Variants in GRM5 observed in about 807,000 individuals in gnomAD.
GRM5 encodes metabotropic glutamate receptor 5.
A neutral mutation model predicts 83.1 loss-of-function variants in GRM5; 19 were observed. The observed-to-expected ratio is 0.23, with a 90% CI of 0.16 to 0.34. The LOEUF is 0.34. Ranked by LOEUF, GRM5 falls within the 10% of genes least tolerant of loss-of-function variation. The probability of loss-of-function intolerance (pLI) is 1.00; values close to 1 mark genes in which losing one functional copy is unlikely to be tolerated. For synonymous variants in GRM5, 675 were observed against 633.6 expected, an observed-to-expected ratio of 1.07 and a Z score of -0.98; for missense variants, 1,160 against 1,588.3, an observed-to-expected ratio of 0.73 and a Z score of 4.58.
intron 3 of GRM5, among the ~76,000 whole-genome samples, chr11:88,818,126 T>C (rs2135505851): frequency 6.6e-6 from 1 of 152,090 alleles, no homozygotes; most frequent in Admixed American, 6.5e-5. Context: ...CTACCTCTAT[T>C]ATAAAAAAAG....
intron 3 of GRM5, among the ~76,000 whole-genome samples, chr11:88,698,579 T>C (rs879652597): frequency 2.6e-5 from 4 of 152,168 alleles, no homozygotes; most frequent in African/African-American, 4.8e-5. Flanking sequence ...TTCAATAGCA[T>C]GGGATCTTAT....
intron 3 of GRM5, among the ~76,000 whole-genome samples, chr11:88,774,666 T>C (rs894215139): frequency 6.6e-6 from 1 of 152,238 alleles, no homozygotes; most frequent in Non-Finnish European, 1.5e-5. Context: ...TGAAGGGCTG[T>C]TGAATTTTGA....
chr11:88,660,472 T>G (rs997983075), intron 3 of GRM5, among the ~76,000 whole-genome samples: 3 of 152,214 alleles, frequency 2.0e-5, no homozygotes, highest in Admixed American at 1.3e-4. Flanking sequence ...ATGGAGATTT[T>G]AGGAAGGCAT....
chr11:88,875,485 A>G (rs1393288795), intron 2 of GRM5, among the ~76,000 whole-genome samples: 1 of 151,990 alleles, frequency 6.6e-6, no homozygotes, highest in East Asian at 1.9e-4. Context: ...AACTTTTTCC[A>G]AATTCCTGTT....
Position 89,009,908 on chromosome 11 carries a change from A to AC in GRM5, c.661+37303_661+37304insG, listed in dbSNP as rs1238183892. Among the ~76,000 whole-genome samples, 8 of 122,926 alleles carry AC rather than the reference A, an allele frequency of 6.5e-5. 1 individual carries two copies. Among genetic ancestry groups the AC allele is most frequent in the African/African-American group, 3.2e-4 (8 of 24,716 alleles). 80.6% of individuals were successfully genotyped at this position (122,926 alleles called of 152,430 possible). ...AGAGCGAGACTCCGTCTCAAAAAAA[A>AC]AAAAAAAAAAAAAAAAAAAAAACAC... On this transcript the variant is annotated intron_variant, in intron 2 of 9. Transcript: ENST00000305447.
At chr11:88,897,990 G>C (rs1034742564) in intron 2 of GRM5, among the ~76,000 whole-genome samples, 2 of 151,944 alleles carry the variant, frequency 1.3e-5, no homozygotes, top group Non-Finnish European at 2.9e-5. Context: ...AGGTGCCTTA[G>C]AACAACAGAA....
chr11:88,991,568 C>T (rs1408339801), intron 2 of GRM5, among the ~76,000 whole-genome samples: 1 of 149,220 alleles, frequency 6.7e-6, no homozygotes, highest in Admixed American at 6.7e-5. Flanking sequence ...AATCCTAAGC[C>T]AAAAGAACAA....
chr11:88,646,927 A>G (rs1390199917), intron 4 of GRM5, among the ~76,000 whole-genome samples: 2 of 149,348 alleles, frequency 1.3e-5, no homozygotes, highest in African/African-American at 2.4e-5. Context: ...TGGTTGGCTT[A>G]ACACAGTAGA....
At chr11:88,988,286 G>A (rs549441399) in intron 2 of GRM5, among the ~76,000 whole-genome samples, 5,233 of 151,972 alleles carry the variant, frequency 0.034, 304 homozygotes, top group African/African-American at 0.12. Context: ...TGAATGAAAT[G>A]AAGCGAGAAG....
intron 9 of GRM5, among the ~76,000 whole-genome samples, chr11:88,518,435 T>G (rs1941585082): frequency 6.6e-6 from 1 of 152,026 alleles, no homozygotes; most frequent in African/African-American, 2.4e-5. Flanking sequence ...TTTGATTAAT[T>G]TTTTATAAAA....
chr11:88,925,129 G>A (rs889635846), intron 2 of GRM5, among the ~76,000 whole-genome samples: 15 of 151,870 alleles, frequency 9.9e-5, no homozygotes, highest in Non-Finnish European at 7.4e-5. Flanking sequence ...AGAAATGATC[G>A]ATTGGCCTCA....
In GRM5 at chr11:89,010,340, A is replaced by G. The variant is rs183774135; in HGVS notation, c.661+36872T>C. ...TACCCTATAAACATGGCCCACAGAAACTGTGTAACTTGGTCAAATCTTACA... is the reference window on the plus strand; with the variant it reads ...TACCCTATAAACATGGCCCACAGAAGCTGTGTAACTTGGTCAAATCTTACA... On this transcript the variant is annotated intron_variant, in intron 2 of 9. Transcript: ENST00000305447. 2.3e-4 allele frequency among the ~76,000 whole-genome samples: 35 copies of G among 152,270 alleles called. No individual in the cohort carries two copies. The East Asian group carries it at 5.6e-3, about 24-fold the overall frequency.
chr11:88,913,460 C>A (rs1945535014), intron 2 of GRM5, among the ~76,000 whole-genome samples: 2 of 151,898 alleles, frequency 1.3e-5, no homozygotes, highest in South Asian at 4.2e-4. Context: ...TATTTCCTTC[C>A]CCTCCCCTGT....
intron 2 of GRM5, among the ~76,000 whole-genome samples, chr11:88,943,186 A>G (rs1165819251): frequency 6.6e-6 from 1 of 152,128 alleles, no homozygotes; most frequent in East Asian, 1.9e-4. Flanking sequence ...GTCTTCTGTC[A>G]TGTGTTAGGC....
chr11:88,686,986 A>T (rs10831275), intron 3 of GRM5, among the ~76,000 whole-genome samples: 103 of 151,818 alleles, frequency 6.8e-4, no homozygotes, highest in Non-Finnish European at 1.0e-3. Context: ...AGTTCCATTC[A>T]GGCTGACTAG....
chr11:88,578,274 A>C (rs1296734047), intron 7 of GRM5, among the ~76,000 whole-genome samples: 1 of 152,158 alleles, frequency 6.6e-6, no homozygotes, highest in Non-Finnish European at 1.5e-5. Context: ...TACTCATATA[A>C]TATATCAATG....
intron 2 of GRM5, among the ~76,000 whole-genome samples, chr11:88,938,934 C>G (rs999288082): frequency 1.3e-5 from 2 of 151,714 alleles, no homozygotes; most frequent in Non-Finnish European, 3.0e-5. Flanking sequence ...AGTCCATATT[C>G]TCTTTTCTCT....
At chr11:88,598,438 G>GT (rs369013034) in intron 5 of GRM5, among the ~76,000 whole-genome samples, 225 of 146,408 alleles carry the variant, frequency 1.5e-3, no homozygotes, top group African/African-American at 2.6e-3. Context: ...TTTTACTGTA[G>GT]TTTTTTTTTT....
chr11:88,594,966 A>G (rs935488844), intron 6 of GRM5, among the ~76,000 whole-genome samples: 9 of 152,038 alleles, frequency 5.9e-5, no homozygotes, highest in Non-Finnish European at 1.3e-4. Context: ...CCTTTTTATT[A>G]TATCTTTGTC....
Sources: allele counts gnomAD v4.1 joint callset (sites outside exome capture counted in the v4.1 genomes callset), GRCh38; gene constraint gnomAD v4.1.1; transcripts MANE v1.5; gene names NCBI Gene and HGNC (gene_info 2026-07-23, HGNC 2026-07-21).